Variants in ABHD12 observed in about 807,000 individuals in gnomAD.
ABHD12 encodes the protein lysophosphatidylserine lipase ABHD12.
ABHD12 carries 43 observed loss-of-function variants against 58.3 expected under a neutral mutation model. That is an observed-to-expected ratio of 0.74 (90% CI 0.58 to 0.95). ABHD12 has a LOEUF of 0.95. Ranked by LOEUF, ABHD12 falls within the 40% of genes least tolerant of loss-of-function variation. The pLI is 0.00. For synonymous variants in ABHD12, 219 were observed against 211.2 expected, an observed-to-expected ratio of 1.04 and a Z score of -0.32; for missense variants, 539 against 537.2, an observed-to-expected ratio of 1.00 and a Z score of -0.03.
intron 1 of ABHD12, among the ~76,000 whole-genome samples, chr20:25,370,551 G>A (rs1600865773): frequency 6.6e-6 from 1 of 152,170 alleles, no homozygotes; most frequent in Non-Finnish European, 1.5e-5. Flanking sequence ...ATTTCCCCTT[G>A]TAATAGTCAG....
intron 1 of ABHD12, among the ~76,000 whole-genome samples, chr20:25,359,164 G>C (rs1402375888): frequency 6.6e-6 from 1 of 151,360 alleles, no homozygotes; most frequent in Non-Finnish European, 1.5e-5. Context: ...GCTCACGCTT[G>C]TAATCCCAGC....
chr20:25,360,401 C>T (rs904804153), intron 1 of ABHD12, among the ~76,000 whole-genome samples: 16 of 151,330 alleles, frequency 1.1e-4, no homozygotes, highest in Admixed American at 2.6e-4. Context: ...CCACCACGCC[C>T]GACTAATTTT....
At chr20:25,351,012 CTTA>C (rs1327755753) in intron 1 of ABHD12, among the ~76,000 whole-genome samples, 17 of 145,978 alleles carry the variant, frequency 1.2e-4, no homozygotes, top group African/African-American at 4.0e-4. Context: ...CACACACACC[CTTA>C]TTAAGCTGGT....
chr20:25,359,423 CAAAAAAAAAA>C (rs565367954), intron 1 of ABHD12, among the ~76,000 whole-genome samples: 1 of 63,126 alleles, frequency 1.6e-5, no homozygotes, highest in East Asian at 5.1e-4. Context: ...GACTCCGTCT[CAAAAAAAAAA>C]AAAAAAAAAA....
At chr20:25,338,787 T>C in intron 2 of ABHD12, 1 of 994,426 alleles carries the variant, frequency 1.0e-6, no homozygotes, top group Non-Finnish European at 1.2e-6. Context: ...TGGTCATCTT[T>C]TCCAAGGGCA....
At chr20:25,387,264 C>T (rs1303134992) in intron 1 of ABHD12, among the ~76,000 whole-genome samples, 1 of 152,040 alleles carries the variant, frequency 6.6e-6, no homozygotes, top group Non-Finnish European at 1.5e-5. Flanking sequence ...ACAATGCAAT[C>T]AGAAAAGAAA....
chr20:25,353,487 GTTAT>G (rs1600842133), intron 1 of ABHD12, among the ~76,000 whole-genome samples: 2 of 152,116 alleles, frequency 1.3e-5, no homozygotes, highest in Non-Finnish European at 2.9e-5. Flanking sequence ...TGGGAATATG[GTTAT>G]TTATGCAGCA....
At chr20:25,369,927 TAAAAAAAAA>T (rs3032443) in intron 1 of ABHD12, among the ~76,000 whole-genome samples, 1 of 91,440 alleles carries the variant, frequency 1.1e-5, no homozygotes. Flanking sequence ...GTCTCTGTTA[TAAAAAAAAA>T]AAAAAAAAAA....
At chr20:25,348,029 G>A (rs2089543805) in intron 1 of ABHD12, among the ~76,000 whole-genome samples, 1 of 151,918 alleles carries the variant, frequency 6.6e-6, no homozygotes, top group African/African-American at 2.4e-5. Flanking sequence ...GGCCAACGTG[G>A]TGAAAACCCG....
At chr20:25,327,025 T>G (rs2089187844) in intron 2 of ABHD12, among the ~76,000 whole-genome samples, 1 of 152,228 alleles carries the variant, frequency 6.6e-6, no homozygotes, top group African/African-American at 2.4e-5. Flanking sequence ...TGTGTGAGTA[T>G]GCCCAGAATG....
chr20:25,351,128 C>T (rs1423069457), intron 1 of ABHD12, among the ~76,000 whole-genome samples: 1 of 152,168 alleles, frequency 6.6e-6, no homozygotes, highest in East Asian at 1.9e-4. Flanking sequence ...TCATTTAATT[C>T]ACAGTCCCCC....
At chr20:25,360,285 G>A (rs2089729122) in intron 1 of ABHD12, among the ~76,000 whole-genome samples, 1 of 111,014 alleles carries the variant, frequency 9.0e-6, no homozygotes, top group Non-Finnish European at 1.7e-5. Context: ...CTGTCACCCA[G>A]CCTGGAGTGC....
At chr20:25,375,329 G>A (rs569633749) in intron 1 of ABHD12, among the ~76,000 whole-genome samples, 1 of 152,292 alleles carries the variant, frequency 6.6e-6, no homozygotes, top group Non-Finnish European at 1.5e-5. Context: ...ACTGAAGCAT[G>A]CTGTTCCTGA....
intron 3 of ABHD12, among the ~76,000 whole-genome samples, chr20:25,322,027 T>C (rs2089075336): frequency 1.3e-5 from 2 of 152,120 alleles, no homozygotes; most frequent in Non-Finnish European, 2.9e-5. Flanking sequence ...TCTGAGACAG[T>C]GGAAAGCGAC....
In ABHD12 at chr20:25,315,033, G is replaced by C. The variant is rs1167641704; in HGVS notation, c.574-63C>G. Reference sequence around the variant, plus strand: ...CAAGCATCTGTATTGAGGGCAGCTTGCCGCTTACTAAACTCATCCAACTTT... The same window carrying C: ...CAAGCATCTGTATTGAGGGCAGCTTCCCGCTTACTAAACTCATCCAACTTT... On this transcript the variant is annotated intron_variant, in intron 5 of 12. Transcript: ENST00000339157. The C allele has an allele frequency of 2.6e-6, 4 of 1,563,340 alleles. No homozygotes were observed. The East Asian group carries it at 9.0e-5, about 35-fold the overall frequency.
chr20:25,365,795 T>A (rs2089812107), intron 1 of ABHD12, among the ~76,000 whole-genome samples: 1 of 152,158 alleles, frequency 6.6e-6, no homozygotes, highest in Non-Finnish European at 1.5e-5. Flanking sequence ...ACACCTATAA[T>A]CCCAGCAATT....
intron 8 of ABHD12, 140 bp from the exon 9 acceptor site, chr20:25,308,185 A>C: frequency 1.3e-6 from 1 of 773,598 alleles, no homozygotes; most frequent in Non-Finnish European, 2.3e-6. Context: ...CAGGCCTCAG[A>C]TAGCACCAGG....
chr20:25,363,001 T>TC (rs1448498507), intron 1 of ABHD12, among the ~76,000 whole-genome samples: 1 of 151,972 alleles, frequency 6.6e-6, no homozygotes, highest in Non-Finnish European at 1.5e-5. Flanking sequence ...TTGGAGTTTT[T>TC]CAAGTAGAAA....
At chr20:25,298,577 T>C (rs2258879), downstream of ABHD12, among the ~76,000 whole-genome samples, 68,438 of 152,026 alleles carry the variant, frequency 0.45, 16,020 homozygotes, top group East Asian at 0.92. Context: ...TTCTAAAAAT[T>C]CTATCAATCA....
Sources: gnomAD v4.1 joint callset for allele counts (sites outside exome capture counted in the v4.1 genomes callset) on GRCh38, gnomAD v4.1.1 for gene constraint, MANE v1.5 for transcripts, NCBI Gene and HGNC (gene_info 2026-07-23, HGNC 2026-07-21) for gene names.